Variants in KCTD16 observed in about 807,000 individuals in gnomAD.
The protein encoded by KCTD16 is potassium channel tetramerization domain containing 16, also known as BTB/POZ domain-containing protein KCTD16.
In KCTD16, 13 loss-of-function variants were observed where a neutral mutation model predicts 33.2. The observed-to-expected ratio is 0.39, with a 90% CI of 0.25 to 0.62. The LOEUF is 0.62. Among genes scored for constraint, KCTD16 ranks in the 20% least tolerant of loss-of-function variants. The pLI, the probability that KCTD16 is intolerant of heterozygous loss-of-function variation, is 0.50. For synonymous variants in KCTD16, 197 were observed against 195.3 expected (o/e 1.01, Z -0.07); for missense variants, 441 against 525.1 (o/e 0.84, Z 1.57).
Position 144,206,598 on chromosome 5 carries a change from A to G in KCTD16, c.-117A>G. 1.1e-6 allele frequency: 1 copy of G among 877,574 alleles called. No homozygotes were observed. Among genetic ancestry groups the G allele is most frequent in the Non-Finnish European group, 1.8e-6 (1 of 570,056 alleles). 54.4% of individuals were successfully genotyped at this position (877,574 alleles called of 1,614,324 possible). A position where few individuals can be genotyped will look rare whatever the true frequency, so the allele number is the denominator to read the frequency against. ...AAAAATACTGGGATAAGAGGAGGTC[A>G]TTTTTTAATAAGTTAGCATCCTTTT... On this transcript the variant is annotated 5_prime_UTR_variant, in exon 3 of 4. Coordinates refer to ENST00000512467, the MANE Select transcript of KCTD16 (RefSeq NM_020768.4).
intron 3 of KCTD16, among the ~76,000 whole-genome samples, chr5:144,224,981 A>G (rs1753885285): frequency 6.6e-6 from 1 of 152,206 alleles, no homozygotes; most frequent in African/African-American, 2.4e-5. Flanking sequence ...AAAAGTTCAT[A>G]GGTTCATATT....
chr5:144,201,560 A>G (rs1361891848), intron 2 of KCTD16, among the ~76,000 whole-genome samples: 1 of 152,228 alleles, frequency 6.6e-6, no homozygotes, highest in Admixed American at 6.5e-5. Context: ...GCTAAAAGCC[A>G]TGGAATGTGC....
intron 1 of KCTD16, among the ~76,000 whole-genome samples, chr5:144,172,117 C>T (rs1465142709): frequency 6.6e-6 from 1 of 152,058 alleles, no homozygotes; most frequent in Non-Finnish European, 1.5e-5. Context: ...TCAACACCCC[C>T]CACCCCAATA....
At chr5:144,392,309 T>G (rs1269162315) in intron 3 of KCTD16, among the ~76,000 whole-genome samples, 1 of 152,172 alleles carries the variant, frequency 6.6e-6, no homozygotes, top group Non-Finnish European at 1.5e-5. Flanking sequence ...GTGCAAGTGC[T>G]TTGAGTGGCT....
At chr5:144,176,647 T>C (rs565701551) in intron 2 of KCTD16, among the ~76,000 whole-genome samples, 366 of 150,678 alleles carry the variant, frequency 2.4e-3, no homozygotes, top group African/African-American at 8.6e-3. Context: ...CATGATCCAC[T>C]CGCCTCGGCC....
chr5:144,189,954 G>A (rs2126779318), intron 2 of KCTD16, among the ~76,000 whole-genome samples: 1 of 152,308 alleles, frequency 6.6e-6, no homozygotes, highest in South Asian at 2.1e-4. Flanking sequence ...AACCTGTGAA[G>A]ACAGACTGGG....
intron 3 of KCTD16, among the ~76,000 whole-genome samples, chr5:144,228,649 TAAG>T (rs1035177304): frequency 2.0e-5 from 3 of 152,196 alleles, no homozygotes; most frequent in African/African-American, 7.2e-5. Context: ...TGTATTTTTA[TAAG>T]AAGAATTCAG....
At chr5:144,267,928 G>T (rs1435351331) in intron 3 of KCTD16, among the ~76,000 whole-genome samples, 1 of 152,120 alleles carries the variant, frequency 6.6e-6, no homozygotes, top group Non-Finnish European at 1.5e-5. Context: ...GAGTGGAGAG[G>T]ATTCTGGGAA....
At chr5:144,308,746 C>T (rs1580861779) in intron 3 of KCTD16, among the ~76,000 whole-genome samples, 1 of 139,216 alleles carries the variant, frequency 7.2e-6, no homozygotes, top group East Asian at 2.0e-4. Flanking sequence ...CTGCCTCCAT[C>T]CTCAGATTGT....
At chr5:144,222,535 GA>G (rs1313940297) in intron 3 of KCTD16, among the ~76,000 whole-genome samples, 1 of 152,048 alleles carries the variant, frequency 6.6e-6, no homozygotes, top group Non-Finnish European at 1.5e-5. Flanking sequence ...ACAGACACAT[GA>G]AAAAATGCTC....
chr5:144,342,056 G>A (rs909542698), intron 3 of KCTD16, among the ~76,000 whole-genome samples: 8 of 152,106 alleles, frequency 5.3e-5, no homozygotes, highest in African/African-American at 1.2e-4. Flanking sequence ...TTAGCAATGC[G>A]GGCTCTTTTT....
intron 3 of KCTD16, among the ~76,000 whole-genome samples, chr5:144,260,799 C>T (rs1158297078): frequency 6.6e-6 from 1 of 151,862 alleles, no homozygotes; most frequent in Non-Finnish European, 1.5e-5. Flanking sequence ...ACAGTTTTAG[C>T]AATTAATGTC....
intron 2 of KCTD16, among the ~76,000 whole-genome samples, chr5:144,190,647 C>T (rs13355025): frequency 0.46 from 69,204 of 151,974 alleles, 16,738 homozygotes; most frequent in African/African-American, 0.62. Flanking sequence ...ACACACTTTT[C>T]CCCTACCTCT....
chr5:144,299,744 C>T (rs759050555), intron 3 of KCTD16, among the ~76,000 whole-genome samples: 12 of 151,764 alleles, frequency 7.9e-5, no homozygotes, highest in Non-Finnish European at 1.3e-4. Context: ...CATTATTTGG[C>T]CTCCTTAATA....
chr5:144,268,443 C>G (rs1242054024), intron 3 of KCTD16, among the ~76,000 whole-genome samples: 3 of 152,074 alleles, frequency 2.0e-5, no homozygotes, highest in African/African-American at 7.2e-5. Flanking sequence ...AAACACAGGA[C>G]AGTCACAAAT....
chr5:144,252,274 A>C (rs1397873772), intron 3 of KCTD16, among the ~76,000 whole-genome samples: 5 of 152,166 alleles, frequency 3.3e-5, no homozygotes, highest in Non-Finnish European at 7.4e-5. Flanking sequence ...CCAAGTGTTC[A>C]TTTATTTGGA....
chr5:144,319,733 A>C (rs2126883661), intron 3 of KCTD16, among the ~76,000 whole-genome samples: 1 of 152,310 alleles, frequency 6.6e-6, no homozygotes, highest in East Asian at 1.9e-4. Context: ...TTCTAGAATA[A>C]GTCTAATGGC....
At chr5:144,399,512 A>G (rs1048094330) in intron 3 of KCTD16, among the ~76,000 whole-genome samples, 2 of 152,148 alleles carry the variant, frequency 1.3e-5, no homozygotes, top group Admixed American at 1.3e-4. Context: ...CATATGAATT[A>G]CAAGTACATT....
At chr5:144,425,596 T>A (rs1438915392) in intron 3 of KCTD16, among the ~76,000 whole-genome samples, 1 of 152,052 alleles carries the variant, frequency 6.6e-6, no homozygotes, top group Non-Finnish European at 1.5e-5. Flanking sequence ...CCACTACTCT[T>A]GCATTCTGTA....
Sources: gnomAD v4.1 joint callset for allele counts (sites outside exome capture counted in the v4.1 genomes callset) on GRCh38, gnomAD v4.1.1 for gene constraint, MANE v1.5 for transcripts, NCBI Gene and HGNC (gene_info 2026-07-23, HGNC 2026-07-21) for gene names.